SDC2: variants seen among roughly 807,000 people sequenced by gnomAD.
SDC2 encodes syndecan-2.
In SDC2, 13 loss-of-function variants were observed where a neutral mutation model predicts 22.2. That is an observed-to-expected ratio of 0.59 (90% CI 0.38 to 0.93). The LOEUF is 0.93. SDC2 is among the 40% of genes least tolerant of loss of function. The pLI, the probability that SDC2 is intolerant of heterozygous loss-of-function variation, is 0.00. For synonymous variants in SDC2, 94 were observed against 92.8 expected, an observed-to-expected ratio of 1.01 and a Z score of -0.07; for missense variants, 235 against 246.8, an observed-to-expected ratio of 0.95 and a Z score of 0.32.
At chr8:96,534,127 C>T (rs1813713111) in intron 1 of SDC2, among the ~76,000 whole-genome samples, 1 of 152,230 alleles carries the variant, frequency 6.6e-6, no homozygotes, top group South Asian at 2.1e-4. Flanking sequence ...GAGCCCACGC[C>T]CACCTGGAAC....
At chr8:96,585,915 C>T (rs192599780) in intron 1 of SDC2, among the ~76,000 whole-genome samples, 263 of 147,356 alleles carry the variant, frequency 1.8e-3, no homozygotes, top group African/African-American at 6.5e-3. Flanking sequence ...CTGATTATTG[C>T]GCTGAGCATT....
chr8:96,598,585 T>C (rs1814921628), intron 2 of SDC2, among the ~76,000 whole-genome samples: 1 of 151,978 alleles, frequency 6.6e-6, no homozygotes, highest in Non-Finnish European at 1.5e-5. Context: ...ACTATTGCAC[T>C]CCAGTCTGGG....
chr8:96,538,403 G>C (rs1813788429), intron 1 of SDC2, among the ~76,000 whole-genome samples: 1 of 97,570 alleles, frequency 1.0e-5, no homozygotes, highest in Non-Finnish European at 2.9e-5. Context: ...AAGTACTAAA[G>C]ATAAAAAAAA....
intron 1 of SDC2, among the ~76,000 whole-genome samples, chr8:96,525,126 G>A (rs918492960): frequency 2.6e-5 from 4 of 152,182 alleles, no homozygotes; most frequent in African/African-American, 9.7e-5. Context: ...CAAACCTCAG[G>A]TGTGATTTCG....
At chr8:96,527,531 A>G (rs1586281112) in intron 1 of SDC2, among the ~76,000 whole-genome samples, 1 of 152,212 alleles carries the variant, frequency 6.6e-6, no homozygotes, top group East Asian at 1.9e-4. Flanking sequence ...GGCACACAGA[A>G]CCCTACGTGA....
intron 1 of SDC2, among the ~76,000 whole-genome samples, chr8:96,502,145 A>C (rs1205050220): frequency 6.6e-6 from 1 of 152,200 alleles, no homozygotes; most frequent in Non-Finnish European, 1.5e-5. Flanking sequence ...GGGAGACCTC[A>C]CAATCATGGT....
At chr8:96,547,851 C>T (rs1478284086) in intron 1 of SDC2, among the ~76,000 whole-genome samples, 1 of 151,872 alleles carries the variant, frequency 6.6e-6, no homozygotes, top group Non-Finnish European at 1.5e-5. Flanking sequence ...GCCTCGACCT[C>T]CTGCTGCTCA....
At chr8:96,602,307 C>T in intron 2 of SDC2, 88 bp from the exon 3 acceptor site, 1 of 1,319,994 alleles carries the variant, frequency 7.6e-7, no homozygotes, top group Non-Finnish European at 1.1e-6. Flanking sequence ...ATGATTCTGT[C>T]AGTGTCAACG....
chr8:96,574,717 T>C (rs1047958698), intron 1 of SDC2, among the ~76,000 whole-genome samples: 1 of 152,212 alleles, frequency 6.6e-6, no homozygotes, highest in Non-Finnish European at 1.5e-5. Flanking sequence ...CTTACTGTTG[T>C]TCTGTGAAAA....
intron 1 of SDC2, among the ~76,000 whole-genome samples, chr8:96,567,711 T>A (rs1814323869): frequency 6.6e-6 from 1 of 152,208 alleles, no homozygotes; most frequent in Admixed American, 6.5e-5. Context: ...TTAATCTGAT[T>A]AAGAATCATA....
intron 1 of SDC2, among the ~76,000 whole-genome samples, chr8:96,554,685 C>CTTGA (rs1273007602): frequency 1.6e-4 from 24 of 152,194 alleles, no homozygotes; most frequent in Non-Finnish European, 2.9e-5. Flanking sequence ...GCAGTTACGA[C>CTTGA]TTGATCCAGG....
Position 96,494,237 on chromosome 8 carries a change from AAGCAGCGGCTGGG to A in SDC2, c.-28_-16del. On this transcript the variant is annotated 5_prime_UTR_variant, in exon 1 of 5. Coordinates refer to ENST00000302190, the MANE Select transcript of SDC2 (RefSeq NM_002998.4). ...GGAGGCTTCGTTTTGCCCTGGTTGC[AAGCAGCGGCTGGG>A]AGCAGCCGGTCCCTGGGGAATATGC... 1 of 1,540,002 alleles carries A rather than the reference AAGCAGCGGCTGGG, an allele frequency of 6.5e-7. No individual in the cohort carries two copies. Among genetic ancestry groups the A allele is most frequent in the East Asian group, 2.5e-5 (1 of 40,816 alleles).
Position 96,494,111 on chromosome 8 carries a change from A to G in SDC2, c.-161A>G. The G allele has an allele frequency of 1.6e-6, 1 of 643,780 alleles. No homozygotes were observed. Among genetic ancestry groups the G allele is most frequent in the South Asian group, 2.1e-5 (1 of 47,838 alleles). The allele number at this position is 643,780 out of a possible 1,614,324, so 39.9% of individuals were successfully genotyped here. ...GGAGCAGGCGCAGGAGGAGGAAGCGAGCGCCCCCGAGCCCCGAGCCCGAGT... is the reference window on the plus strand; with the variant it reads ...GGAGCAGGCGCAGGAGGAGGAAGCGGGCGCCCCCGAGCCCCGAGCCCGAGT... On this transcript the variant is annotated 5_prime_UTR_variant, in exon 1 of 5. Transcript: ENST00000302190.
At chr8:96,557,979 G>T (rs1259778604) in intron 1 of SDC2, among the ~76,000 whole-genome samples, 3 of 152,138 alleles carry the variant, frequency 2.0e-5, no homozygotes, top group Non-Finnish European at 4.4e-5. Context: ...ATGTTAGGGT[G>T]TGTCTAACCC....
chr8:96,522,588 T>C (rs2582822), intron 1 of SDC2, among the ~76,000 whole-genome samples: 29,857 of 152,162 alleles, frequency 0.2, 3,225 homozygotes, highest in African/African-American at 0.27. Flanking sequence ...GTCTCTGTAC[T>C]GTGCTGATAT....
At chr8:96,534,689 G>A (rs140298526) in intron 1 of SDC2, among the ~76,000 whole-genome samples, 6 of 151,716 alleles carry the variant, frequency 4.0e-5, no homozygotes, top group East Asian at 2.0e-4. Context: ...TTCCTACCTC[G>A]GCCTCCAAGA....
chr8:96,600,951 G>T (rs1814971432), intron 2 of SDC2, among the ~76,000 whole-genome samples: 1 of 152,180 alleles, frequency 6.6e-6, no homozygotes, highest in Non-Finnish European at 1.5e-5. Context: ...ACATGGATGA[G>T]GGAGAAAGTG....
At chr8:96,599,301 C>T (rs569507903) in intron 2 of SDC2, among the ~76,000 whole-genome samples, 8 of 152,182 alleles carry the variant, frequency 5.3e-5, no homozygotes, top group Non-Finnish European at 8.8e-5. Flanking sequence ...AATCTCTTCC[C>T]TCATACAGAT....
chr8:96,590,852 T>G (rs564521038), intron 1 of SDC2, among the ~76,000 whole-genome samples: 1 of 152,236 alleles, frequency 6.6e-6, no homozygotes, highest in African/African-American at 2.4e-5. Context: ...TGGCTGCCTT[T>G]AAACACATTA....
Sources: allele counts gnomAD v4.1 joint callset (sites outside exome capture counted in the v4.1 genomes callset), GRCh38; gene constraint gnomAD v4.1.1; transcripts MANE v1.5; gene names NCBI Gene and HGNC (gene_info 2026-07-23, HGNC 2026-07-21).